Variants in TANGO6 observed in about 807,000 individuals in gnomAD.
TANGO6 encodes the protein transport and Golgi organization protein 6 homolog.
TANGO6 carries 90 observed loss-of-function variants against 114.2 expected under a neutral mutation model. The ratio of observed to expected loss-of-function variants is 0.79; its 90% CI spans 0.66 to 0.94. The LOEUF is 0.94. Among genes scored for constraint, TANGO6 ranks in the 40% least tolerant of loss-of-function variants. The pLI is 0.00. For missense variants in TANGO6, 1,274 were observed against 1,315.3 expected (o/e 0.97, Z 0.49); for synonymous variants, 477 against 509.8 (o/e 0.94, Z 0.87).
At chr16:68,944,468 C>T (rs1963392444) in intron 14 of TANGO6, among the ~76,000 whole-genome samples, 1 of 152,084 alleles carries the variant, frequency 6.6e-6, no homozygotes. Flanking sequence ...CTGAGGTCTG[C>T]CAGGAGGAAA....
At chr16:69,025,743 A>T (rs1959491006) in intron 16 of TANGO6, 1 of 152,096 alleles carries the variant, frequency 6.6e-6, no homozygotes, top group Admixed American at 6.6e-5. Flanking sequence ...TATCACTGGG[A>T]TTATAGGCAT....
At chr16:68,889,077 G>C (rs1423131967) in intron 7 of TANGO6, among the ~76,000 whole-genome samples, 1 of 152,222 alleles carries the variant, frequency 6.6e-6, no homozygotes, top group African/African-American at 2.4e-5. Context: ...ACCCGCCTCA[G>C]CCTCCCAAAG....
chr16:69,029,537 A>G (rs998390851), intron 16 of TANGO6, among the ~76,000 whole-genome samples: 6 of 152,100 alleles, frequency 3.9e-5, no homozygotes, highest in Admixed American at 3.9e-4. Flanking sequence ...CAGATAATAA[A>G]TGTTATGTAT....
chr16:68,857,158 G>A (rs1352742523), intron 1 of TANGO6, among the ~76,000 whole-genome samples: 1 of 151,948 alleles, frequency 6.6e-6, no homozygotes, highest in Non-Finnish European at 1.5e-5. Flanking sequence ...ATTCTTTCCT[G>A]CCCCATCCCT....
At chr16:68,859,376 G>A (rs184121222) in intron 1 of TANGO6, among the ~76,000 whole-genome samples, 3 of 152,140 alleles carry the variant, frequency 2.0e-5, no homozygotes, top group East Asian at 3.9e-4. Flanking sequence ...TCACTGTGTC[G>A]CCCAGGCTGG....
chr16:69,067,518 C>CAAAAAAAAAAAAAAAAAAAAAAAAA (rs1199698790), intron 17 of TANGO6, among the ~76,000 whole-genome samples: 1 of 43,712 alleles, frequency 2.3e-5, no homozygotes. Context: ...AACTCCATCT[C>CAAAAAAAAAAAAAAAAAAAAAAAAA]AAAAAAAAAA....
At chr16:69,044,874 G>A (rs1959826615) in intron 17 of TANGO6, among the ~76,000 whole-genome samples, 2 of 152,094 alleles carry the variant, frequency 1.3e-5, no homozygotes. Context: ...AATTTTAAAA[G>A]GCTGGGCGCA....
intron 13 of TANGO6, among the ~76,000 whole-genome samples, chr16:68,929,287 A>C (rs1335297693): frequency 6.6e-6 from 1 of 152,178 alleles, no homozygotes; most frequent in Non-Finnish European, 1.5e-5. Context: ...TTTTAGCTTA[A>C]TTAAACCTTC....
At chr16:68,865,734 C>T (rs1962166517) in intron 3 of TANGO6, among the ~76,000 whole-genome samples, 1 of 148,480 alleles carries the variant, frequency 6.7e-6, no homozygotes, top group Admixed American at 6.7e-5. Context: ...ACAGTGAAAC[C>T]CCATCTCTAC....
intron 2 of TANGO6, 147 bp downstream of exon 2, chr16:68,860,671 G>C: frequency 9.1e-7 from 1 of 1,095,682 alleles, no homozygotes; most frequent in South Asian, 1.7e-5. Flanking sequence ...TGAATCTTTT[G>C]GGGGTGGGCG....
intron 15 of TANGO6, among the ~76,000 whole-genome samples, chr16:69,004,360 T>C (rs1001606300): frequency 4.6e-5 from 7 of 151,890 alleles, no homozygotes; most frequent in Non-Finnish European, 8.8e-5. Context: ...CTTTTCTTTT[T>C]TTTTTTTGTT....
chr16:69,045,999 G>A (rs931068644), intron 17 of TANGO6, among the ~76,000 whole-genome samples: 1 of 145,918 alleles, frequency 6.9e-6, no homozygotes, highest in South Asian at 2.2e-4. Context: ...AAGAGGCAGA[G>A]GTTACAGTGA....
chr16:69,064,633 G>A (rs1960187497), intron 17 of TANGO6, among the ~76,000 whole-genome samples: 1 of 152,146 alleles, frequency 6.6e-6, no homozygotes, highest in Non-Finnish European at 1.5e-5. Flanking sequence ...CAAAGTTTGT[G>A]AACTTAGATC....
intron 17 of TANGO6, among the ~76,000 whole-genome samples, chr16:69,056,026 C>T (rs1960027558): frequency 6.6e-6 from 1 of 150,508 alleles, no homozygotes; most frequent in African/African-American, 2.4e-5. Flanking sequence ...GCAACAAGAG[C>T]AAGACTCCAT....
chr16:69,025,142 C>A (rs1959478647), intron 16 of TANGO6, among the ~76,000 whole-genome samples: 4 of 152,218 alleles, frequency 2.6e-5, no homozygotes, highest in Non-Finnish European at 5.9e-5. Flanking sequence ...AATGCCCGAC[C>A]CTGGCCTCAC....
At chr16:68,891,790 GAAGA>G (rs1962624746) in intron 7 of TANGO6, among the ~76,000 whole-genome samples, 1 of 143,758 alleles carries the variant, frequency 7.0e-6, no homozygotes, top group Non-Finnish European at 1.5e-5. Flanking sequence ...AGGAAGGAAG[GAAGA>G]AAGGAAAGAA....
chr16:68,848,471 G>A (rs919005421), intron 1 of TANGO6, among the ~76,000 whole-genome samples: 1 of 151,802 alleles, frequency 6.6e-6, no homozygotes, highest in Non-Finnish European at 1.5e-5. Flanking sequence ...GCCACATACT[G>A]TTTTATAACC....
chr16:69,062,708 C>T (rs1056469489), intron 17 of TANGO6, among the ~76,000 whole-genome samples: 2 of 148,560 alleles, frequency 1.3e-5, no homozygotes, highest in African/African-American at 4.9e-5. Context: ...ACTGACCTCG[C>T]GTGATCCACC....
intron 17 of TANGO6, among the ~76,000 whole-genome samples, chr16:69,063,224 A>C (rs1407673843): frequency 1.3e-4 from 3 of 23,060 alleles, no homozygotes; most frequent in Non-Finnish European, 3.7e-4. Flanking sequence ...CTTCGTCTGA[A>C]AAAAAAAAAA....
Sources: allele counts gnomAD v4.1 joint callset (sites outside exome capture counted in the v4.1 genomes callset), GRCh38; gene constraint gnomAD v4.1.1; transcripts MANE v1.5; gene names NCBI Gene and HGNC (gene_info 2026-07-23, HGNC 2026-07-21).